CCDC85A: variants seen among roughly 807,000 people sequenced by gnomAD.
CCDC85A encodes coiled-coil domain containing 85A, also known as coiled-coil domain-containing protein 85A.
CCDC85A carries 38 observed loss-of-function variants against 50.2 expected under a neutral mutation model. The observed-to-expected ratio is 0.76, with a 90% CI of 0.58 to 0.99. The LOEUF (loss-of-function observed/expected upper bound fraction) is 0.99. Ranked by LOEUF, CCDC85A falls within the 50% of genes least tolerant of loss-of-function variation. The pLI, the probability that CCDC85A is intolerant of heterozygous loss-of-function variation, is 0.00. For missense variants in CCDC85A, 820 were observed against 742.0 expected (o/e 1.11, Z -1.22); for synonymous variants, 366 against 301.4 (o/e 1.21, Z -2.22).
intron 2 of CCDC85A, among the ~76,000 whole-genome samples, chr2:56,329,419 ATAGT>A (rs1398782785): frequency 1.3e-5 from 2 of 152,224 alleles, no homozygotes; most frequent in African/African-American, 2.4e-5. Flanking sequence ...CCCCTAGCAC[ATAGT>A]TAGTACTTAA....
At chr2:56,232,568 CA>C (rs1428856501) in intron 2 of CCDC85A, among the ~76,000 whole-genome samples, 2 of 152,180 alleles carry the variant, frequency 1.3e-5, no homozygotes, top group African/African-American at 4.8e-5. Flanking sequence ...TGCTGGCCCT[CA>C]TTCTCTCTCC....
Position 56,192,354 on chromosome 2 carries a change from C to G in CCDC85A, c.277-123C>G. 7.1e-7 allele frequency: 1 copy of G among 1,398,982 alleles called. No individual in the cohort carries two copies. Among genetic ancestry groups the G allele is most frequent in the Middle Eastern group, 2.4e-4 (1 of 4,164 alleles). 86.7% of individuals were successfully genotyped at this position (1,398,982 alleles called of 1,614,324 possible). On this transcript the variant is annotated intron_variant, in intron 1 of 5. Transcript: ENST00000407595. This position sits in a 1 kb window ranked among gnomAD's most constrained non-coding sequence, Gnocchi z 4.7. ...CAAATCTTCAGCTTCCTCCTACTCC[C>G]TCACCTCCTCCCCTAACCTCACAGG...
In CCDC85A at chr2:56,218,384, G is replaced by GA. The variant is rs959037980; in HGVS notation, c.1240+24950dup. Among the ~76,000 whole-genome samples the GA allele has an allele frequency of 1.1e-4, 17 of 151,728 alleles. 2 individuals carry two copies. The highest frequency in any genetic ancestry group is 4.1e-4 in the African/African-American group (17 of 41,450). On this transcript the variant is annotated intron_variant, in intron 2 of 5. Coordinates refer to ENST00000407595, the MANE Select transcript of CCDC85A (RefSeq NM_001080433.2). The stretch of plus-strand genomic sequence containing the variant: ...AATAGGTATACATTGTAGCAAATTA[G>GA]AAAAAACGCTTAAAATTCAAGAAGA...
chr2:56,247,465 C>T (rs1669562853), intron 2 of CCDC85A, among the ~76,000 whole-genome samples: 1 of 152,126 alleles, frequency 6.6e-6, no homozygotes, highest in African/African-American at 2.4e-5. Context: ...GGTTGTTCTG[C>T]AATCTTAAAG....
chr2:56,243,855 C>A (rs1405476776), intron 2 of CCDC85A, among the ~76,000 whole-genome samples: 2 of 152,318 alleles, frequency 1.3e-5, no homozygotes, highest in South Asian at 2.1e-4. Context: ...TTAGGGGACA[C>A]CCCAAGCCCA....
rs1676738918 is a variant in CCDC85A at position 56,384,457 on chromosome 2, T to A, written c.*102T>A. ...TTTCCACAAACCTGGACTCATGGAATAACATGGAGTGATTGTACATTGCAC... is the reference window on the plus strand; with the variant it reads ...TTTCCACAAACCTGGACTCATGGAAAAACATGGAGTGATTGTACATTGCAC... On this transcript the variant is annotated 3_prime_UTR_variant, in exon 6 of 6. Transcript: ENST00000407595. 1 of 927,200 alleles carries A rather than the reference T, an allele frequency of 1.1e-6. No homozygotes were observed. The allele number at this position is 927,200 out of a possible 1,614,324, so 57.4% of individuals were successfully genotyped here. A position where few individuals can be genotyped will look rare whatever the true frequency, so the allele number is the denominator to read the frequency against.
intron 3 of CCDC85A, among the ~76,000 whole-genome samples, chr2:56,345,699 G>C (rs1674601422): frequency 6.6e-6 from 1 of 152,140 alleles, no homozygotes; most frequent in East Asian, 1.9e-4. Context: ...GAATTCTCAT[G>C]GGAGACTGAG....
At chr2:56,259,139 T>C (rs1207426695) in intron 2 of CCDC85A, among the ~76,000 whole-genome samples, 2 of 152,170 alleles carry the variant, frequency 1.3e-5, no homozygotes, top group Non-Finnish European at 2.9e-5. Flanking sequence ...GGGGTTATCA[T>C]GTACTAAGGA....
chr2:56,344,227 C>CACTAATA (rs1674518938), intron 3 of CCDC85A, among the ~76,000 whole-genome samples: 1 of 152,092 alleles, frequency 6.6e-6, no homozygotes, highest in African/African-American at 2.4e-5. Context: ...AGATTAACAA[C>CACTAATA]ACTAATAACA....
intron 2 of CCDC85A, among the ~76,000 whole-genome samples, chr2:56,201,177 A>G (rs1676732277): frequency 6.6e-6 from 1 of 151,970 alleles, no homozygotes; most frequent in South Asian, 2.1e-4. Context: ...AAAATGTTAA[A>G]TGCATTACGT....
At chr2:56,189,415 C>T (rs1318334342) in intron 1 of CCDC85A, among the ~76,000 whole-genome samples, 2 of 151,404 alleles carry the variant, frequency 1.3e-5, no homozygotes, top group East Asian at 3.9e-4. Flanking sequence ...CCTCAGGTTC[C>T]TGGGTACCTG....
At chr2:56,278,327 T>A (rs537457860) in intron 2 of CCDC85A, among the ~76,000 whole-genome samples, 6 of 152,192 alleles carry the variant, frequency 3.9e-5, no homozygotes, top group Non-Finnish European at 8.8e-5. Context: ...AAAATGGTTT[T>A]ATTTATTCTT....
chr2:56,350,172 ATT>A (rs35540839), intron 3 of CCDC85A, among the ~76,000 whole-genome samples: 15 of 135,948 alleles, frequency 1.1e-4, no homozygotes, highest in African/African-American at 1.1e-4. Flanking sequence ...TTCTTCTCTT[ATT>A]TTTTTTTTTT....
intron 3 of CCDC85A, among the ~76,000 whole-genome samples, chr2:56,363,869 C>T (rs1356911601): frequency 4.6e-5 from 7 of 152,146 alleles, no homozygotes; most frequent in African/African-American, 1.4e-4. Flanking sequence ...CCTTACGCTC[C>T]GTGTCCTACT....
At chr2:56,264,796 C>A (rs1670366712) in intron 2 of CCDC85A, among the ~76,000 whole-genome samples, 1 of 152,208 alleles carries the variant, frequency 6.6e-6, no homozygotes, top group African/African-American at 2.4e-5. Flanking sequence ...CCTCACCTCC[C>A]AGCATGCTCC....
At chr2:56,316,912 AT>A (rs1672946527) in intron 2 of CCDC85A, among the ~76,000 whole-genome samples, 1 of 152,174 alleles carries the variant, frequency 6.6e-6, no homozygotes, top group South Asian at 2.1e-4. Context: ...TTTTTAAAAA[AT>A]GTCTTTTTCT....
Position 56,321,607 on chromosome 2 carries a change from G to A in CCDC85A, c.1241-21272G>A, listed in dbSNP as rs896876216. Among the ~76,000 whole-genome samples, 7 of 152,116 alleles carry A rather than the reference G, an allele frequency of 4.6e-5. 1 individual carries two copies. Among genetic ancestry groups the A allele is most frequent in the Admixed American group, 4.6e-4 (7 of 15,264 alleles). ...CAAGGGATATGAAGGACGTTTTCAA[G>A]GAGAACTACAAACCACTGTGCAGTG... On this transcript the variant is annotated intron_variant, in intron 2 of 5. Transcript: ENST00000407595.
intron 2 of CCDC85A, among the ~76,000 whole-genome samples, chr2:56,333,913 T>G (rs1215681117): frequency 3.3e-5 from 5 of 152,210 alleles, no homozygotes; most frequent in Non-Finnish European, 5.9e-5. Context: ...GATTCCTGTC[T>G]CAAGCTGCTG....
intron 2 of CCDC85A, among the ~76,000 whole-genome samples, chr2:56,215,843 G>A (rs1390011882): frequency 3.3e-5 from 5 of 151,820 alleles, no homozygotes; most frequent in Admixed American, 3.3e-4. Context: ...TACATGACTT[G>A]TAAGCTGAGA....
Sources: allele counts gnomAD v4.1 joint callset (sites outside exome capture counted in the v4.1 genomes callset), GRCh38; gene constraint gnomAD v4.1.1; non-coding constraint Gnocchi (gnomAD v3.1); transcripts MANE v1.5; gene names NCBI Gene and HGNC (gene_info 2026-07-23, HGNC 2026-07-21).